Variants in DLK2 observed in about 807,000 individuals in gnomAD.
DLK2 encodes the protein protein delta homolog 2.
DLK2 carries 9 observed loss-of-function variants against 31.3 expected under a neutral mutation model. The ratio of observed to expected loss-of-function variants is 0.29; its 90% CI spans 0.17 to 0.50. DLK2 has a LOEUF of 0.50. DLK2 is among the 20% of genes least tolerant of loss of function. The pLI, the probability that DLK2 is intolerant of heterozygous loss-of-function variation, is 0.98. For missense variants in DLK2, 387 were observed against 526.1 expected, an observed-to-expected ratio of 0.74 and a Z score of 2.59; for synonymous variants, 169 against 201.2, an observed-to-expected ratio of 0.84 and a Z score of 1.35.
upstream of DLK2, chr6:43,455,720 CG>C (rs1290506713): frequency 6.6e-6 from 1 of 151,142 alleles, no homozygotes; most frequent in Non-Finnish European, 1.5e-5. Context: ...CCCAACGCCC[CG>C]AACCCAGCTT....
chr6:43,454,838 C>T lies in DLK2; in HGVS notation c.-13G>A. ...AGCCGCTGGGCATGGTCAGCGCCGG[C>T]CCCAGGAGGGACGGACGGATGGACG... On this transcript the variant is annotated 5_prime_UTR_variant, in exon 2 of 6. Coordinates refer to ENST00000372488, the MANE Select transcript of DLK2 (RefSeq NM_023932.4). 1 of 1,542,672 alleles carries T rather than the reference C, an allele frequency of 6.5e-7. No homozygotes were observed. Among genetic ancestry groups the T allele is most frequent in the South Asian group, 1.2e-5 (1 of 84,214 alleles).
rs1345628438 is a variant in DLK2, at chr6:43,453,928, C to T, written c.140+483G>A. 6.6e-6 allele frequency among the ~76,000 whole-genome samples: 1 copy of T among 152,212 alleles called. No homozygotes were observed. The highest frequency in any genetic ancestry group is 6.5e-5 in the Admixed American group (1 of 15,286). Reference sequence around the variant, plus strand: ...CAAAGACCCCCAGCCAATTGAACTACCTGCCTCATCAACTCATTTCCTTAT... The same window carrying T: ...CAAAGACCCCCAGCCAATTGAACTATCTGCCTCATCAACTCATTTCCTTAT... On this transcript the variant is annotated intron_variant, in intron 3 of 5. Transcript: ENST00000372488. The surrounding 1 kb of genome is among the most constrained non-coding windows in gnomAD (Gnocchi z 4.1).
At position 43,451,879 on chromosome 6, in the gene DLK2, T is replaced by C. The variant is rs534603317; in HGVS notation, c.416+61A>G. On this transcript the variant is annotated intron_variant, in intron 5 of 5. Transcript: ENST00000372488. The surrounding 1 kb of genome is among the most constrained non-coding windows in gnomAD (Gnocchi z 4.4). ...ACCCTCCCAACAGTCCTGCCTCTTT[T>C]CTCATCCCATCACCAGGTTCTGGTC... The C allele has an allele frequency of 6.3e-7, 1 of 1,599,148 alleles. No individual in the cohort carries two copies. Among genetic ancestry groups the C allele is most frequent in the East Asian group, 2.2e-5 (1 of 44,614 alleles).
Position 43,453,001 on chromosome 6 carries a change from C to T in DLK2, c.271+4G>A, listed in dbSNP as rs1297210909. The T allele has an allele frequency of 1.2e-6, 2 of 1,613,918 alleles. No homozygotes were observed. Among genetic ancestry groups the T allele is most frequent in the Non-Finnish European group, 1.7e-6 (2 of 1,179,980 alleles). ...AACCAAAAGCTACCCTTCCTCCCCC[C>T]TACCTTTGTCACAGAACTTGCCTGC... On this transcript the variant is annotated splice_donor_region_variant and intron_variant, in intron 4 of 5. Transcript: ENST00000372488. The surrounding 1 kb of genome is among the most constrained non-coding windows in gnomAD (Gnocchi z 4.1).
At chr6:43,454,252 A>G (rs1000908391) in intron 3 of DLK2, among the ~76,000 whole-genome samples, 159 bp downstream of exon 3, 1 of 152,168 alleles carries the variant, frequency 6.6e-6, no homozygotes, top group East Asian at 1.9e-4. Flanking sequence ...TAGAAGAAGC[A>G]AGAGAGGTGA....
chr6:43,455,547 CTG>C (rs1491105403), exon 1 of DLK2: 4 of 150,870 alleles, frequency 2.7e-5, no homozygotes, highest in Non-Finnish European at 4.4e-5. Flanking sequence ...GCTCGGGAAT[CTG>C]GGGCTCCAGG....
chr6:43,454,010 A>G (rs1783878804), intron 3 of DLK2, among the ~76,000 whole-genome samples: 1 of 152,188 alleles, frequency 6.6e-6, no homozygotes, highest in African/African-American at 2.4e-5. Flanking sequence ...CAACTACTCA[A>G]ACTCATCAAG....
intron 4 of DLK2, 51 bp from the exon 5 acceptor site, chr6:43,452,135 C>T: frequency 6.2e-7 from 1 of 1,609,346 alleles, no homozygotes; most frequent in South Asian, 1.1e-5. Flanking sequence ...ATCTGGTCCC[C>T]AGACCAGACT....
rs1783695730 is a variant in DLK2 at position 43,450,966 on chromosome 6, T to C, written c.725A>G (p.Tyr242Cys). Residue 242 changes from tyrosine (Y) to cysteine (C), a missense_variant, in exon 6 of 6, where the codon TAT becomes TGT. By Grantham distance (194) the Tyr-to-Cys change is radical (BLOSUM62 -2). Coordinates refer to ENST00000372488, the MANE Select transcript of DLK2 (RefSeq NM_023932.4). This position sits in a 1 kb window ranked among gnomAD's most constrained non-coding sequence, Gnocchi z 4.5. ...HDFDCLCPSG[Y>C]GGKTCELVLP... ...GACAAGCTCACAGGTCTTGCCACCATAGCCACTGGGGCAGAGGCAGTCGAA... is the reference window on the plus strand; with the variant it reads ...GACAAGCTCACAGGTCTTGCCACCACAGCCACTGGGGCAGAGGCAGTCGAA... 1 of 1,614,060 alleles carries C rather than the reference T, an allele frequency of 6.2e-7. No individual in the cohort carries two copies. Among genetic ancestry groups the C allele is most frequent in the African/African-American group, 1.3e-5 (1 of 74,926 alleles).
chr6:43,454,704 G>C (rs1783903158), intron 2 of DLK2, 46 bp downstream of exon 2: 1 of 1,535,642 alleles, frequency 6.5e-7, no homozygotes, highest in Admixed American at 2.0e-5. Flanking sequence ...GTGCAAGCGA[G>C]GACGGCTGGA....
At position 43,453,113 on chromosome 6, in the gene DLK2, GC is replaced by G. The variant is rs933679470; in HGVS notation, c.162del (p.Leu55CysfsTer7). 6.2e-7 allele frequency: 1 copy of G among 1,607,348 alleles called. No homozygotes were observed. The highest frequency in any genetic ancestry group is 8.5e-7 in the Non-Finnish European group (1 of 1,174,780). On this transcript the variant is annotated frameshift_variant, in exon 4 of 6. Transcript: ENST00000372488. LOFTEE classifies it high-confidence loss of function. The surrounding 1 kb of genome is among the most constrained non-coding windows in gnomAD (Gnocchi z 4.1). ...GSCRCDPGWE[G>X]LHCERCVRMP... Reference sequence around the variant, plus strand: ...ATCCTCACACAGCGCTCACAGTGCAGCCCCTCCCAGCCCGGGTCACACCTGA... The same window carrying G: ...ATCCTCACACAGCGCTCACAGTGCAGCCCTCCCAGCCCGGGTCACACCTGA...
At chr6:43,456,125 C>G (rs988286449), upstream of DLK2, 1 of 152,546 alleles carries the variant, frequency 6.6e-6, no homozygotes, top group Non-Finnish European at 1.5e-5. Flanking sequence ...CGGCCCTACC[C>G]CCACCACCCT....
In DLK2 at chr6:43,454,899, TG is replaced by T; in HGVS notation, c.-55-20del. On this transcript the variant is annotated intron_variant, in intron 1 of 5. Transcript: ENST00000372488. Reference sequence around the variant, plus strand: ...TGGACACCTGTGGGACGGCACCGGTTGGGAGGCGGCCGGACGCGGAGATAGC... The same window carrying T: ...TGGACACCTGTGGGACGGCACCGGTTGGAGGCGGCCGGACGCGGAGATAGC... 6.7e-7 allele frequency: 1 copy of T among 1,502,992 alleles called. No individual in the cohort carries two copies. Among genetic ancestry groups the T allele is most frequent in the South Asian group, 1.2e-5 (1 of 83,124 alleles). The allele number at this position is 1,502,992 out of a possible 1,614,324, so 93.1% of individuals were successfully genotyped here.
chr6:43,454,937 G>T, intron 1 of DLK2, 57 bp from the exon 2 acceptor site: 1 of 1,499,968 alleles, frequency 6.7e-7, no homozygotes, highest in South Asian at 1.3e-5. Context: ...GCACGGATAC[G>T]GGTTCCAAGT....
At position 43,454,463 on chromosome 6, in the gene DLK2, T is replaced by A. The variant is rs772951148; in HGVS notation, c.88A>T (p.Ser30Cys). 1 of 1,596,004 alleles carries A rather than the reference T, an allele frequency of 6.3e-7. No individual in the cohort carries two copies. Among genetic ancestry groups the A allele is most frequent in the African/African-American group, 1.3e-5 (1 of 74,884 alleles). The change falls in exon 3 of 6, where the codon AGC becomes TGC. Residue 30 changes from serine to cysteine, a missense_variant. Physicochemically the swap from Ser to Cys is moderately radical, Grantham distance 112 (BLOSUM62 -1). Coordinates refer to ENST00000372488, the MANE Select transcript of DLK2 (RefSeq NM_023932.4). ...CCGTGGGCCAGGTCACAGTGGGAGCTGCAGTCATCGGCTGCAAGAGATTGA... is the reference window on the plus strand; with the variant it reads ...CCGTGGGCCAGGTCACAGTGGGAGCAGCAGTCATCGGCTGCAAGAGATTGA... Reference protein sequence around the residue: ...PGQPVRADDCSSHCDLAHGCC... With the variant: ...PGQPVRADDCCSHCDLAHGCC...
upstream of DLK2, chr6:43,455,648 C>A (rs1212866210): frequency 1.2e-4 from 18 of 145,222 alleles, no homozygotes; most frequent in South Asian, 3.2e-3. Flanking sequence ...ATCCCCCCCC[C>A]CGCGACGCAC....
At position 43,453,184 on chromosome 6, in the gene DLK2, A is replaced by C. The variant is rs371412263; in HGVS notation, c.141-49T>G. ...AGGGCTCTGGGTCATGGATGTGAAGAAATGGAGGAGACAGAACCAGAGCTT... is the reference window on the plus strand; with the variant it reads ...AGGGCTCTGGGTCATGGATGTGAAGCAATGGAGGAGACAGAACCAGAGCTT... On this transcript the variant is annotated intron_variant, in intron 3 of 5. Transcript: ENST00000372488. The surrounding 1 kb of genome is among the most constrained non-coding windows in gnomAD (Gnocchi z 4.1). 314 of 1,552,552 alleles carry C rather than the reference A, an allele frequency of 2.0e-4. 8 individuals carry two copies. The South Asian group carries it at 3.5e-3, about 18-fold the overall frequency.
intron 1 of DLK2, chr6:43,455,147 G>A: frequency 3.1e-6 from 3 of 959,450 alleles, no homozygotes; most frequent in Non-Finnish European, 3.7e-6. Context: ...GGTTGGGATC[G>A]TAGTCAGGAC....
At chr6:43,456,041 A>G (rs3734688), upstream of DLK2, 21,363 of 152,630 alleles carry the variant, frequency 0.14, 1,524 homozygotes, top group African/African-American at 0.16. Flanking sequence ...CTTCCTGTCC[A>G]CGTTGCCGTC....
Sources: gnomAD v4.1 joint callset for allele counts (sites outside exome capture counted in the v4.1 genomes callset) on GRCh38, gnomAD v4.1.1 for gene constraint, Gnocchi (gnomAD v3.1) non-coding constraint, MANE v1.5 for transcripts, NCBI Gene and HGNC (gene_info 2026-07-23, HGNC 2026-07-21) for gene names.